Variants in PTPRD observed in about 807,000 individuals in gnomAD.
The protein encoded by PTPRD is receptor-type tyrosine-protein phosphatase delta.
PTPRD carries 34 observed loss-of-function variants against 214.5 expected under a neutral mutation model. The observed-to-expected ratio is 0.16, with a 90% CI of 0.12 to 0.21. PTPRD has a LOEUF of 0.21. Among genes scored for constraint, PTPRD ranks in the 10% least tolerant of loss-of-function variants. The pLI, the probability that PTPRD is intolerant of heterozygous loss-of-function variation, is 1.00. For synonymous variants in PTPRD, 1,128 were observed against 845.7 expected (o/e 1.33, Z -5.79); for missense variants, 2,545 against 2,398.7 (o/e 1.06, Z -1.27).
intron 5 of PTPRD, among the ~76,000 whole-genome samples, chr9:9,878,330 TG>T (rs1468202376): frequency 2.0e-5 from 3 of 152,158 alleles, no homozygotes; most frequent in Admixed American, 1.3e-4. Context: ...GAGCTTACAT[TG>T]TAGTGGAAGT....
At chr9:9,458,400 C>CA (rs953081267) in intron 8 of PTPRD, among the ~76,000 whole-genome samples, 79 of 150,422 alleles carry the variant, frequency 5.3e-4, no homozygotes, top group East Asian at 4.9e-3. Flanking sequence ...ATGGTTTTAA[C>CA]AAAAAAAAAT....
chr9:8,775,433 T>A lies in PTPRD; in HGVS notation c.-103-41487A>T, dbSNP rs188168056. ...AACTTTGAACTCTCTGCATAATATG[T>A]AGAGCAAAGCCATATCCCTGGAAAG... On this transcript the variant is annotated intron_variant, in intron 11 of 45. Transcript: ENST00000381196. Among the ~76,000 whole-genome samples the A allele has an allele frequency of 1.8e-3, 273 of 152,142 alleles. 1 individual carries two copies. The highest frequency in any genetic ancestry group is 6.2e-3 in the African/African-American group (256 of 41,494).
intron 10 of PTPRD, among the ~76,000 whole-genome samples, chr9:9,111,348 A>G (rs2099805821): frequency 6.7e-6 from 1 of 148,160 alleles, no homozygotes; most frequent in African/African-American, 2.5e-5. Context: ...TGATCACCTT[A>G]TAAAATCCAG....
chr9:8,699,100 C>T (rs1207425799), intron 12 of PTPRD, among the ~76,000 whole-genome samples: 2 of 152,054 alleles, frequency 1.3e-5, no homozygotes, highest in African/African-American at 4.8e-5. Flanking sequence ...TTTCAGAATT[C>T]CTGAATAATG....
chr9:9,397,190 T>C (rs1452557794), intron 9 of PTPRD, among the ~76,000 whole-genome samples: 1 of 152,002 alleles, frequency 6.6e-6, no homozygotes, highest in African/African-American at 2.4e-5. Context: ...CTTTTCTAGT[T>C]GATTGAGAGA....
At chr9:10,335,319 T>C (rs1014810118) in intron 3 of PTPRD, among the ~76,000 whole-genome samples, 12 of 151,746 alleles carry the variant, frequency 7.9e-5, no homozygotes, top group African/African-American at 2.2e-4. Flanking sequence ...AAAGAAACAA[T>C]TGCAAAGCAA....
intron 7 of PTPRD, among the ~76,000 whole-genome samples, chr9:9,653,018 C>A (rs963148143): frequency 6.6e-6 from 1 of 152,012 alleles, no homozygotes; most frequent in African/African-American, 2.4e-5. Context: ...TAATCAAAGC[C>A]CCTATTTTTC....
At chr9:9,596,294 G>C (rs867261880) in intron 7 of PTPRD, among the ~76,000 whole-genome samples, 8 of 151,766 alleles carry the variant, frequency 5.3e-5, no homozygotes, top group Non-Finnish European at 4.4e-5. Flanking sequence ...TATTCCTGAA[G>C]AATAGTAATT....
chr9:9,170,415 G>A (rs1441739390), intron 10 of PTPRD, among the ~76,000 whole-genome samples: 1 of 152,148 alleles, frequency 6.6e-6, no homozygotes, highest in Non-Finnish European at 1.5e-5. Context: ...TAGGGAAAAA[G>A]TCCTTAAATG....
At chr9:9,614,938 C>T (rs542395497) in intron 7 of PTPRD, among the ~76,000 whole-genome samples, 1 of 152,216 alleles carries the variant, frequency 6.6e-6, no homozygotes, top group East Asian at 1.9e-4. Context: ...TTTGTTTAAG[C>T]ATTTCTCCTT....
chr9:9,009,732 T>C (rs79242522), intron 11 of PTPRD, among the ~76,000 whole-genome samples: 5,103 of 152,132 alleles, frequency 0.034, 142 homozygotes, highest in Middle Eastern at 0.065. Context: ...TATGTGCCAA[T>C]TTGGAAATAT....
intron 10 of PTPRD, among the ~76,000 whole-genome samples, chr9:9,068,140 T>C (rs2099737903): frequency 6.6e-6 from 1 of 152,218 alleles, no homozygotes; most frequent in African/African-American, 2.4e-5. Flanking sequence ...AGCATAATTT[T>C]CTCGAGATTC....
intron 8 of PTPRD, among the ~76,000 whole-genome samples, chr9:9,462,985 GAACT>G (rs2093799518): frequency 1.3e-5 from 2 of 152,090 alleles, no homozygotes; most frequent in African/African-American, 2.4e-5. Context: ...ATGTTTTACT[GAACT>G]GACTACCAAA....
At chr9:8,736,064 G>T (rs956738966) in intron 11 of PTPRD, among the ~76,000 whole-genome samples, 1 of 152,118 alleles carries the variant, frequency 6.6e-6, no homozygotes, top group East Asian at 1.9e-4. Context: ...ACCAGGCTTT[G>T]GAAAGATTAA....
At chr9:8,749,652 G>T (rs1156340210) in intron 11 of PTPRD, among the ~76,000 whole-genome samples, 1 of 152,184 alleles carries the variant, frequency 6.6e-6, no homozygotes, top group Admixed American at 6.5e-5. Flanking sequence ...ATGTCCTCAT[G>T]TTATCATTGT....
intron 12 of PTPRD, among the ~76,000 whole-genome samples, chr9:8,679,071 C>T (rs1195946369): frequency 1.3e-5 from 2 of 152,072 alleles, no homozygotes; most frequent in Non-Finnish European, 2.9e-5. Context: ...GGGATGGAAA[C>T]CGATAAGAAA....
chr9:10,105,185 G>T (rs291313), intron 3 of PTPRD, among the ~76,000 whole-genome samples: 2 of 151,432 alleles, frequency 1.3e-5, no homozygotes, highest in African/African-American at 4.8e-5. Context: ...TTTTCTAATG[G>T]CTACTAAAGT....
At chr9:8,434,383 A>T (rs1005510326) in intron 35 of PTPRD, among the ~76,000 whole-genome samples, 4 of 152,228 alleles carry the variant, frequency 2.6e-5, no homozygotes, top group African/African-American at 9.6e-5. Context: ...GCCTAGAAGC[A>T]ATGGGCTATA....
intron 10 of PTPRD, among the ~76,000 whole-genome samples, chr9:9,115,408 A>G (rs757425395): frequency 9.9e-5 from 15 of 152,194 alleles, no homozygotes; most frequent in Non-Finnish European, 2.1e-4. Flanking sequence ...TCAGGAAAAT[A>G]CAAAATAAAA....
Sources: allele counts gnomAD v4.1 joint callset (sites outside exome capture counted in the v4.1 genomes callset), GRCh38; gene constraint gnomAD v4.1.1; transcripts MANE v1.5; gene names NCBI Gene and HGNC (gene_info 2026-07-23, HGNC 2026-07-21).